Variants in LONRF2 observed in about 807,000 individuals in gnomAD.
The protein encoded by LONRF2 is LON peptidase N-terminal domain and ring finger 2, also known as LON peptidase N-terminal domain and RING finger protein 2.
LONRF2 carries 35 observed loss-of-function variants against 66.6 expected under a neutral mutation model. The observed-to-expected ratio is 0.53, with a 90% CI of 0.40 to 0.70. The LOEUF is 0.70. Ranked by LOEUF, LONRF2 falls within the 30% of genes least tolerant of loss-of-function variation. LONRF2 has a pLI of 0.00. For missense variants in LONRF2, 902 were observed against 1,002.1 expected (o/e 0.90, Z 1.35); for synonymous variants, 417 against 418.1 (o/e 1.00, Z 0.03).
In LONRF2 at chr2:100,280,072, AACTT is replaced by A. The variant is rs1674683882; in HGVS notation, c.*4222_*4225del. 1 of 152,222 alleles carries A rather than the reference AACTT, an allele frequency of 6.6e-6. No homozygotes were observed. The highest frequency in any genetic ancestry group is 2.1e-4 in the South Asian group (1 of 4,838). The allele number at this position is 152,222 out of a possible 1,614,324, so 9.4% of individuals were successfully genotyped here. A position where few individuals can be genotyped will look rare whatever the true frequency, so the allele number is the denominator to read the frequency against. On this transcript the variant is annotated 3_prime_UTR_variant, in exon 12 of 12. Transcript: ENST00000393437. Reference sequence around the variant, plus strand: ...GGTGCAAATTCGAGTTTATGTCCCCAACTTGGGGGAGTGCAATGGTGGCACTTCA... The same window carrying A: ...GGTGCAAATTCGAGTTTATGTCCCCAGGGGGAGTGCAATGGTGGCACTTCA...
At position 100,281,006 on chromosome 2, in the gene LONRF2, A is replaced by T. The variant is rs1211214701; in HGVS notation, c.*3292T>A. ...ACCCAAGTAATTTAAGTGGTGGGGC[A>T]CAAAAGAAAACAAGAAGGAGAAGAA... On this transcript the variant is annotated 3_prime_UTR_variant, in exon 12 of 12. Transcript: ENST00000393437. The T allele has an allele frequency of 6.6e-6, 1 of 152,252 alleles. No individual in the cohort carries two copies. The highest frequency in any genetic ancestry group is 1.5e-5 in the Non-Finnish European group (1 of 68,044). The allele number at this position is 152,252 out of a possible 1,614,324, so 9.4% of individuals were successfully genotyped here.
At chr2:100,299,949 G>A (rs1264206447) in intron 4 of LONRF2, 31 bp from the exon 5 acceptor site, 28 of 1,279,772 alleles carry the variant, frequency 2.2e-5, no homozygotes, top group Non-Finnish European at 3.0e-5. Flanking sequence ...GGAATCCTGA[G>A]TATTAAAGAA....
chr2:100,289,430 C>CTTTTTTTTTTTTTTTTTTTTTTTTT (rs10543662), intron 10 of LONRF2, among the ~76,000 whole-genome samples: 1 of 77,076 alleles, frequency 1.3e-5, no homozygotes. Context: ...ACAATAAGGT[C>CTTTTTTTTTTTTTTTTTTTTTTTTT]TTTTTTTTTT....
intron 2 of LONRF2, 53 bp from the exon 3 acceptor site, chr2:100,303,096 A>G (rs1397270783): frequency 6.8e-7 from 1 of 1,480,720 alleles, no homozygotes; most frequent in South Asian, 1.4e-5. Flanking sequence ...ATGATTATAT[A>G]CTTGAATACA....
chr2:100,306,966 G>A (rs1272649652), intron 2 of LONRF2, among the ~76,000 whole-genome samples: 1 of 146,996 alleles, frequency 6.8e-6, no homozygotes, highest in Non-Finnish European at 1.5e-5. Context: ...TGTTGCCCAG[G>A]CTGGAGTGCA....
In LONRF2 at chr2:100,279,348, A is replaced by G. The variant is rs903975814; in HGVS notation, c.*4950T>C. 1 of 147,320 alleles carries G rather than the reference A, an allele frequency of 6.8e-6. No individual in the cohort carries two copies. Among genetic ancestry groups the G allele is most frequent in the African/African-American group, 2.5e-5 (1 of 40,542 alleles). The allele number at this position is 147,320 out of a possible 1,614,324, so 9.1% of individuals were successfully genotyped here. Reference sequence around the variant, plus strand: ...CCCCCCCCCCGCAAACTGCAGAACTACATTCTTGACTAATGCCACACACAT... The same window carrying G: ...CCCCCCCCCCGCAAACTGCAGAACTGCATTCTTGACTAATGCCACACACAT... On this transcript the variant is annotated 3_prime_UTR_variant, in exon 12 of 12. Coordinates refer to ENST00000393437, the MANE Select transcript of LONRF2 (RefSeq NM_198461.4).
In LONRF2 at chr2:100,279,999, T is replaced by C. The variant is rs573266350; in HGVS notation, c.*4299A>G. On this transcript the variant is annotated 3_prime_UTR_variant, in exon 12 of 12. Coordinates refer to ENST00000393437, the MANE Select transcript of LONRF2 (RefSeq NM_198461.4). ...TTGTGAGAACAGTCAACGCTGTCAATGGCATCCACCTTTCTGCGTCCTCAA... is the reference window on the plus strand; with the variant it reads ...TTGTGAGAACAGTCAACGCTGTCAACGGCATCCACCTTTCTGCGTCCTCAA... The C allele has an allele frequency of 6.6e-6, 1 of 152,334 alleles. No individual in the cohort carries two copies. Among genetic ancestry groups the C allele is most frequent in the African/African-American group, 2.4e-5 (1 of 41,590 alleles). 9.4% of individuals were successfully genotyped at this position (152,334 alleles called of 1,614,324 possible).
chr2:100,302,588 T>C (rs759646166), intron 3 of LONRF2, among the ~76,000 whole-genome samples: 1 of 152,212 alleles, frequency 6.6e-6, no homozygotes, highest in South Asian at 2.1e-4. Flanking sequence ...TAGAGCCGAA[T>C]TGATACATTT....
At chr2:100,300,289 T>C (rs895589390) in intron 4 of LONRF2, among the ~76,000 whole-genome samples, 2 of 151,926 alleles carry the variant, frequency 1.3e-5, no homozygotes, top group African/African-American at 4.8e-5. Flanking sequence ...CTAGGGTACA[T>C]GTGTACAACG....
Position 100,322,012 on chromosome 2 carries a change from C to A in LONRF2, c.82G>T (p.Glu28Ter), listed in dbSNP as rs1452372296. 7.0e-7 allele frequency: 1 copy of A among 1,431,302 alleles called. No individual in the cohort carries two copies. The highest frequency in any genetic ancestry group is 9.1e-7 in the Non-Finnish European group (1 of 1,094,322). The allele number at this position is 1,431,302 out of a possible 1,614,324, so 88.7% of individuals were successfully genotyped here. A position where few individuals can be genotyped will look rare whatever the true frequency, so the allele number is the denominator to read the frequency against. The part of the protein sequence containing the change: ...DRAEPIAQRL[E>*]EGDEAFRAGD... ...GCGCGGAAGGCCTCGTCGCCCTCCTCTAAGCGCTGGGCGATCGGCTCCGCG... is the reference window on the plus strand; with the variant it reads ...GCGCGGAAGGCCTCGTCGCCCTCCTATAAGCGCTGGGCGATCGGCTCCGCG... Residue 28 changes from glutamate to a stop codon, truncating the protein, a stop_gained, in exon 1 of 12, where the codon GAG (glutamate) becomes TAG (stop). Coordinates refer to ENST00000393437, the MANE Select transcript of LONRF2 (RefSeq NM_198461.4). LOFTEE classifies it high-confidence loss of function.
In LONRF2 at chr2:100,309,140, A is replaced by C. The variant is rs776084226; in HGVS notation, c.765T>G (p.Ser255Arg). The change falls in exon 2 of 12, where the codon AGT becomes AGG. Residue 255 changes from serine to arginine, a missense_variant. Around this residue, in one of 2 missense-constraint regions of LONRF2, gnomAD observed 585 missense variants for 569.9 expected, o/e 1.03. Coordinates refer to ENST00000393437, the MANE Select transcript of LONRF2 (RefSeq NM_198461.4). ...AGAGAGGTTCATTCTGACAAGCTGCACTGGCATCTTGGAGAGCTTGCTCAT... is the reference window on the plus strand; with the variant it reads ...AGAGAGGTTCATTCTGACAAGCTGCCCTGGCATCTTGGAGAGCTTGCTCAT... ...KNYEQALQDA[S>R]AACQNEPLLI... 4 of 1,603,822 alleles carry C rather than the reference A, an allele frequency of 2.5e-6. No homozygotes were observed. In the African/African-American group the frequency reaches 4.0e-5, roughly 16 times the overall value.
chr2:100,286,146 AAGAT>A (rs1674841332), intron 11 of LONRF2, among the ~76,000 whole-genome samples: 1 of 152,202 alleles, frequency 6.6e-6, no homozygotes, highest in Non-Finnish European at 1.5e-5. Flanking sequence ...CAGGGGGTAA[AAGAT>A]AGAAGCTCCA....
intron 9 of LONRF2, among the ~76,000 whole-genome samples, chr2:100,291,321 C>T (rs1349955761): frequency 6.6e-6 from 1 of 152,172 alleles, no homozygotes; most frequent in Admixed American, 6.5e-5. Context: ...TCATGCCCTG[C>T]AGTGAGGCAG....
chr2:100,299,507 T>G (rs963607941), intron 5 of LONRF2, among the ~76,000 whole-genome samples, 188 bp from the exon 6 acceptor site: 4 of 152,190 alleles, frequency 2.6e-5, no homozygotes, highest in African/African-American at 9.7e-5. Flanking sequence ...ATGAATAAAA[T>G]TTTAAATTAT....
intron 1 of LONRF2, among the ~76,000 whole-genome samples, chr2:100,320,307 C>A (rs987582433): frequency 2.0e-5 from 3 of 152,108 alleles, no homozygotes; most frequent in African/African-American, 7.2e-5. Context: ...AAAAAATATG[C>A]CTGTTAAAGT....
chr2:100,291,382 G>A (rs936215267), intron 9 of LONRF2, among the ~76,000 whole-genome samples: 1 of 151,962 alleles, frequency 6.6e-6, no homozygotes, highest in Non-Finnish European at 1.5e-5. Flanking sequence ...GCTGGTTGCT[G>A]GGGCAGCAAG....
chr2:100,288,777 T>G (rs1375731273), intron 10 of LONRF2, among the ~76,000 whole-genome samples: 2 of 152,156 alleles, frequency 1.3e-5, no homozygotes, highest in Non-Finnish European at 2.9e-5. Flanking sequence ...TCTGTGAGAG[T>G]CATCCATATT....
At chr2:100,300,450 T>G (rs552822529) in intron 4 of LONRF2, among the ~76,000 whole-genome samples, 194 bp downstream of exon 4, 6 of 152,326 alleles carry the variant, frequency 3.9e-5, no homozygotes, top group African/African-American at 1.2e-4. Context: ...CTTTCAATCT[T>G]TAATCATTTT....
chr2:100,313,649 G>C (rs1044605958), intron 1 of LONRF2, among the ~76,000 whole-genome samples: 1 of 152,136 alleles, frequency 6.6e-6, no homozygotes, highest in African/African-American at 2.4e-5. Flanking sequence ...ACAAATCTTA[G>C]GTGTATATCT....
Sources: gnomAD v4.1 joint callset for allele counts (sites outside exome capture counted in the v4.1 genomes callset) on GRCh38, gnomAD v4.1.1 for gene constraint, gnomAD v4.1.1 regional missense constraint, MANE v1.5 for transcripts, NCBI Gene and HGNC (gene_info 2026-07-23, HGNC 2026-07-21) for gene names.